Variants in XYLT2 observed in about 807,000 individuals in gnomAD.
XYLT2 encodes the protein UDP-D-xylose:proteoglycan core protein beta-D-xylosyltransferase.
In XYLT2, 37 loss-of-function variants were observed where a neutral mutation model predicts 82.6. The ratio of observed to expected loss-of-function variants is 0.45; its 90% confidence interval spans 0.34 to 0.59. The LOEUF is 0.59. XYLT2 is among the 20% of genes least tolerant of loss of function. XYLT2 has a pLI of 0.01. For synonymous variants in XYLT2, 474 were observed against 499.0 expected (o/e 0.95, Z 0.67); for missense variants, 934 against 1,181.3 (o/e 0.79, Z 3.07).
Position 50,353,882 on chromosome 17 carries a change from G to A in XYLT2, c.388G>A (p.Glu130Lys). 1.2e-6 allele frequency: 2 copies of A among 1,609,104 alleles called. No individual in the cohort carries two copies. Among genetic ancestry groups the A allele is most frequent in the South Asian group, 1.1e-5 (1 of 91,012 alleles). ...RQNLSGAAAG[E>K]ALVGAAGFPP... ...GAACCTGAGTGGGGCAGCAGCTGGG[G>A]AGGCGCTGGTAGGGGCAGCTGGCTT... Residue 130 changes from glutamate (E) to lysine (K), a missense_variant, in exon 2 of 11, where the codon GAG becomes AAG. Physicochemically the swap from Glu to Lys is moderately conservative, Grantham distance 56 (BLOSUM62 1). This residue lies in a region of XYLT2 where 371 missense variants were observed against 394.9 expected (regional missense o/e 0.94). Transcript: ENST00000017003.
In XYLT2 at chr17:50,354,129, G is replaced by A; in HGVS notation, c.628+7G>A. On this transcript the variant is annotated splice_region_variant and intron_variant, in intron 2 of 10. Coordinates refer to ENST00000017003, the MANE Select transcript of XYLT2 (RefSeq NM_022167.4). ...CGGCACTGTCAGCTGACTGGTGAGG[G>A]ACAGGGGTGCTCCAGCCCTTCCCAG... 1 of 1,601,776 alleles carries A rather than the reference G, an allele frequency of 6.2e-7. No homozygotes were observed. Among genetic ancestry groups the A allele is most frequent in the Non-Finnish European group, 8.5e-7 (1 of 1,179,920 alleles).
chr17:50,355,582 G>A lies in XYLT2; in HGVS notation c.1088+1G>A. On this transcript the variant is annotated splice_donor_variant, in intron 5 of 10. Coordinates refer to ENST00000017003, the MANE Select transcript of XYLT2 (RefSeq NM_022167.4). LOFTEE classifies it high-confidence loss of function. ...AGTCACATGGCCGGGACAACTCCAGGTGAGGGGGTGGGGAAGGAGGCCCTG... is the reference window on the plus strand; with the variant it reads ...AGTCACATGGCCGGGACAACTCCAGATGAGGGGGTGGGGAAGGAGGCCCTG... The A allele has an allele frequency of 6.2e-7, 1 of 1,614,074 alleles. No individual in the cohort carries two copies. The highest frequency in any genetic ancestry group is 1.3e-5 in the African/African-American group (1 of 75,024).
In XYLT2 at chr17:50,357,183, G is replaced by A. The variant is rs773484814; in HGVS notation, c.1872G>A (p.Trp624Ter). Residue 624 changes from tryptophan (W) to a stop codon, truncating the protein, a stop_gained, in exon 9 of 11, where the codon TGG (tryptophan) becomes TGA (stop). Coordinates refer to ENST00000017003, the MANE Select transcript of XYLT2 (RefSeq NM_022167.4). LOFTEE classifies it high-confidence loss of function. ...GGCCGGCAGAGACGCTTGAGATGTG[G>A]CTGATGCCCCAAGGGTCGCTGAAGC... ...AQGPAETLEM[W>*]LMPQGSLKLL... 2 of 1,612,360 alleles carry A rather than the reference G, an allele frequency of 1.2e-6. No homozygotes were observed. The highest frequency in any genetic ancestry group is 2.2e-5 in the South Asian group (2 of 91,068).
chr17:50,346,149 G>T lies in XYLT2; in HGVS notation c.9G>T (p.Ala3=), dbSNP rs772045954. The stretch of plus-strand genomic sequence containing the variant: ...GCGTCCCGGGCAGGAAGATGGTGGC[G>T]AGCGCGCGAGTGCAGAAGCTGGTGC... MV[A]SARVQKLVRR... is the part of the protein sequence containing the mutation. The change falls in exon 1 of 11, where the codon GCG becomes GCT. Residue 3 remains alanine (A), a synonymous_variant. Coordinates refer to ENST00000017003, the MANE Select transcript of XYLT2 (RefSeq NM_022167.4). This position sits in a 1 kb window ranked among gnomAD's most constrained non-coding sequence, Gnocchi z 5.1. The T allele has an allele frequency of 1.6e-6, 2 of 1,260,064 alleles. No individual in the cohort carries two copies. The highest frequency in any genetic ancestry group is 1.6e-5 in the African/African-American group (1 of 62,674). The allele number at this position is 1,260,064 out of a possible 1,614,324, so 78.1% of individuals were successfully genotyped here.
rs753047226 is a variant in XYLT2 at position 50,354,402 on chromosome 17, T to A, written c.629-6T>A. On this transcript the variant is annotated splice_polypyrimidine_tract_variant and splice_region_variant and intron_variant, in intron 2 of 10. Transcript: ENST00000017003. ...GGCCTCGCCAACGCCTGTCCTCTGCTCTCAGGGAAGATGAGCCCCGGCATC... is the reference window on the plus strand; with the variant it reads ...GGCCTCGCCAACGCCTGTCCTCTGCACTCAGGGAAGATGAGCCCCGGCATC... 2 of 1,603,908 alleles carry A rather than the reference T, an allele frequency of 1.2e-6. No homozygotes were observed. The highest frequency in any genetic ancestry group is 1.7e-6 in the Non-Finnish European group (2 of 1,174,954).
At chr17:50,348,473 G>A (rs1263831518) in intron 1 of XYLT2, among the ~76,000 whole-genome samples, 1 of 152,216 alleles carries the variant, frequency 6.6e-6, no homozygotes, top group African/African-American at 2.4e-5. Context: ...TTTATTCTAA[G>A]TGCAGTGGGA....
At chr17:50,356,997 G>A in intron 8 of XYLT2, 60 bp from the exon 9 acceptor site, 1 of 1,532,030 alleles carries the variant, frequency 6.5e-7, no homozygotes. Context: ...CCCTCCCTGG[G>A]ACTCCAGGCC....
At chr17:50,353,163 G>C (rs1912341321) in intron 1 of XYLT2, among the ~76,000 whole-genome samples, 1 of 152,098 alleles carries the variant, frequency 6.6e-6, no homozygotes, top group Non-Finnish European at 1.5e-5. Context: ...CTTCCCACAT[G>C]GAAATGCTTT....
At chr17:50,358,614 GCCAA>G in intron 10 of XYLT2, 74 bp downstream of exon 10, 1 of 1,447,526 alleles carries the variant, frequency 6.9e-7, no homozygotes. Flanking sequence ...ACCTCAAGAA[GCCAA>G]CCATCAGAGC....
chr17:50,347,625 C>G (rs1190856422), intron 1 of XYLT2, among the ~76,000 whole-genome samples: 2 of 152,220 alleles, frequency 1.3e-5, no homozygotes, highest in Non-Finnish European at 2.9e-5. Context: ...GCCCTCTGAC[C>G]CTGGAATATG....
chr17:50,358,600 G>A (rs1912660968), intron 10 of XYLT2, 60 bp downstream of exon 10: 1 of 1,497,866 alleles, frequency 6.7e-7, no homozygotes, highest in African/African-American at 1.4e-5. Context: ...TCGCCAGAGA[G>A]GTGACCTCAA....
Position 50,360,637 on chromosome 17 carries a change from G to A in XYLT2, c.*346G>A, listed in dbSNP as rs1011739458. On this transcript the variant is annotated 3_prime_UTR_variant, in exon 11 of 11. Coordinates refer to ENST00000017003, the MANE Select transcript of XYLT2 (RefSeq NM_022167.4). ...GGTTGGGAGAGAAACTAGAACAGAA[G>A]ATGTGCAATAGGGCTCAGAGCAGCC... 8.7e-6 allele frequency: 9 copies of A among 1,034,638 alleles called. No homozygotes were observed. The highest frequency in any genetic ancestry group is 3.6e-5 in the African/African-American group (2 of 55,804). The allele number at this position is 1,034,638 out of a possible 1,614,324, so 64.1% of individuals were successfully genotyped here.
At position 50,360,021 on chromosome 17, in the gene XYLT2, G is replaced by A. The variant is rs776364669; in HGVS notation, c.2328G>A (p.Gln776=). 1 of 1,613,528 alleles carries A rather than the reference G, an allele frequency of 6.2e-7. No homozygotes were observed. Among genetic ancestry groups the A allele is most frequent in the African/African-American group, 1.3e-5 (1 of 74,934 alleles). Residue 776 remains glutamine, a synonymous_variant, in exon 11 of 11, where the codon CAG becomes CAA. Coordinates refer to ENST00000017003, the MANE Select transcript of XYLT2 (RefSeq NM_022167.4). The part of the protein sequence containing the change: ...AGPPHNEYME[Q]SFQGLSSILN... ...CACCCCACAACGAGTACATGGAGCA[G>A]AGTTTCCAGGGCCTGAGTAGCATCC...
At position 50,353,828 on chromosome 17, in the gene XYLT2, G is replaced by T. The variant is rs1299730292; in HGVS notation, c.334G>T (p.Ala112Ser). The part of the protein sequence containing the change: ...RQRASRRVPP[A>S]PPPEAPGRQN... ...GAGAGCCAGCCGGCGGGTCCCACCT[G>T]CCCCACCCCCGGAAGCCCCAGGCCG... Residue 112 changes from alanine to serine, a missense_variant, in exon 2 of 11, where the codon GCC (alanine) becomes TCC (serine). Physicochemically the swap from Ala to Ser is moderately conservative, Grantham distance 99. This residue lies in a region of XYLT2 where 371 missense variants were observed against 394.9 expected (regional missense o/e 0.94). Coordinates refer to ENST00000017003, the MANE Select transcript of XYLT2 (RefSeq NM_022167.4). The T allele has an allele frequency of 6.3e-7, 1 of 1,588,768 alleles. No homozygotes were observed. The highest frequency in any genetic ancestry group is 8.6e-7 in the Non-Finnish European group (1 of 1,168,954).
chr17:50,350,182 CAAAAAAAAAA>C (rs34760778), intron 1 of XYLT2, among the ~76,000 whole-genome samples: 2 of 18,566 alleles, frequency 1.1e-4, no homozygotes, highest in African/African-American at 3.3e-4. Context: ...GACTGCGTCT[CAAAAAAAAAA>C]AAAAAAAAAA....
At position 50,355,491 on chromosome 17, in the gene XYLT2, C is replaced by G. The variant is rs771288494; in HGVS notation, c.1008-10C>G. ...TCATGTGGCTGCCTGTCACCCCATT[C>G]CTTCACCAGGACCAATGAGGAGCTG... On this transcript the variant is annotated splice_polypyrimidine_tract_variant and intron_variant, in intron 4 of 10. Transcript: ENST00000017003. 2 of 1,613,998 alleles carry G rather than the reference C, an allele frequency of 1.2e-6. No individual in the cohort carries two copies. The highest frequency in any genetic ancestry group is 1.7e-6 in the Non-Finnish European group (2 of 1,179,894).
At position 50,346,382 on chromosome 17, in the gene XYLT2, G is replaced by C; in HGVS notation, c.135+107G>C. On this transcript the variant is annotated intron_variant, in intron 1 of 10. Coordinates refer to ENST00000017003, the MANE Select transcript of XYLT2 (RefSeq NM_022167.4). This position sits in a 1 kb window ranked among gnomAD's most constrained non-coding sequence, Gnocchi z 5.1. ...GGGAAGTGGGGCACGGGCCGCGTGC[G>C]TGCGTGCGGGGCGCCGGCGGTCGCC... 1.0e-6 allele frequency: 1 copy of C among 978,624 alleles called. No individual in the cohort carries two copies. The highest frequency in any genetic ancestry group is 1.2e-6 in the Non-Finnish European group (1 of 823,178). The allele number at this position is 978,624 out of a possible 1,614,324, so 60.6% of individuals were successfully genotyped here. A position where few individuals can be genotyped will look rare whatever the true frequency, so the allele number is the denominator to read the frequency against.
chr17:50,346,700 C>G lies in XYLT2; in HGVS notation c.135+425C>G. 1.0e-6 allele frequency: 1 copy of G among 985,296 alleles called. No individual in the cohort carries two copies. Among genetic ancestry groups the G allele is most frequent in the Non-Finnish European group, 1.2e-6 (1 of 829,900 alleles). The allele number at this position is 985,296 out of a possible 1,614,324, so 61.0% of individuals were successfully genotyped here. A position where few individuals can be genotyped will look rare whatever the true frequency, so the allele number is the denominator to read the frequency against. On this transcript the variant is annotated intron_variant, in intron 1 of 10. Coordinates refer to ENST00000017003, the MANE Select transcript of XYLT2 (RefSeq NM_022167.4). The surrounding 1 kb of genome is among the most constrained non-coding windows in gnomAD (Gnocchi z 5.1). ...GCGCGCCGTGGGCGGAGGAGTAGGG[C>G]CAAGGGACTCAGGGCGTCCTTCCCC...
At chr17:50,357,400 A>AC in intron 9 of XYLT2, 148 bp downstream of exon 9, 1 of 763,444 alleles carries the variant, frequency 1.3e-6, no homozygotes, top group Non-Finnish European at 2.0e-6. Flanking sequence ...ATCCTGTGTC[A>AC]CCCCCCAGCC....
Sources: gnomAD v4.1 joint callset for allele counts (sites outside exome capture counted in the v4.1 genomes callset) on GRCh38, gnomAD v4.1.1 for gene constraint, gnomAD v4.1.1 regional missense constraint, Gnocchi (gnomAD v3.1) non-coding constraint, MANE v1.5 for transcripts, NCBI Gene and HGNC (gene_info 2026-07-23, HGNC 2026-07-21) for gene names.